The following APBA1 variants were observed in gnomAD, a reference collection of about 807,000 sequenced individuals.
APBA1 encodes the protein amyloid beta precursor protein binding family A member 1.
In APBA1, 55 loss-of-function variants were observed where a neutral mutation model predicts 86.6. The ratio of observed to expected loss-of-function variants is 0.64; its 90% CI spans 0.51 to 0.80. APBA1 has a LOEUF of 0.80. Among genes scored for constraint, APBA1 ranks in the 30% least tolerant of loss-of-function variants. The pLI is 0.00. For synonymous variants in APBA1, 511 were observed against 493.9 expected, an observed-to-expected ratio of 1.03 and a Z score of -0.46; for missense variants, 1,090 against 1,183.0, an observed-to-expected ratio of 0.92 and a Z score of 1.15.
chr9:69,596,802 A>G (rs1329218116), intron 1 of APBA1, among the ~76,000 whole-genome samples: 1 of 152,232 alleles, frequency 6.6e-6, no homozygotes, highest in Non-Finnish European at 1.5e-5. Flanking sequence ...GTTGCAGTCT[A>G]TCTTCAGCCC....
At chr9:69,543,000 G>A (rs1312476083) in intron 1 of APBA1, among the ~76,000 whole-genome samples, 1 of 152,230 alleles carries the variant, frequency 6.6e-6, no homozygotes, top group East Asian at 1.9e-4. Flanking sequence ...GCTTCTGCAG[G>A]CCCCAGCCAG....
intron 8 of APBA1, among the ~76,000 whole-genome samples, chr9:69,453,203 T>C (rs1835041623): frequency 6.6e-6 from 1 of 152,196 alleles, no homozygotes; most frequent in Non-Finnish European, 1.5e-5. Context: ...GATTTTTCAA[T>C]AGGGGAGGTT....
In APBA1 at chr9:69,427,898, T is replaced by C. The variant is rs950143532; in HGVS notation, c.*3429A>G. 2.6e-5 allele frequency: 4 copies of C among 152,154 alleles called. No individual in the cohort carries two copies. The allele number at this position is 152,154 out of a possible 1,614,324, so 9.4% of individuals were successfully genotyped here. ...CTATTTCACCCTCTTTACAGAACAA[T>C]AGTACAAGTTCATACTCTAGGTGCT... On this transcript the variant is annotated 3_prime_UTR_variant, in exon 13 of 13. Coordinates refer to ENST00000265381, the MANE Select transcript of APBA1 (RefSeq NM_001163.4).
At chr9:69,642,446 A>C (rs1823306147) in intron 1 of APBA1, among the ~76,000 whole-genome samples, 2 of 152,228 alleles carry the variant, frequency 1.3e-5, no homozygotes, top group Admixed American at 6.5e-5. Context: ...AAAAAGCCTG[A>C]AAATTCCAAG....
intron 10 of APBA1, among the ~76,000 whole-genome samples, chr9:69,449,251 C>T (rs1355808229): frequency 6.6e-6 from 1 of 152,172 alleles, no homozygotes; most frequent in Non-Finnish European, 1.5e-5. Context: ...TCTGGATTCC[C>T]AAGCTGAGGC....
At chr9:69,558,952 T>A (rs1399402328) in intron 1 of APBA1, among the ~76,000 whole-genome samples, 1 of 152,240 alleles carries the variant, frequency 6.6e-6, no homozygotes, top group Non-Finnish European at 1.5e-5. Context: ...TTAACTCCAA[T>A]TACCACCTAC....
At chr9:69,550,126 C>T (rs78063797) in intron 1 of APBA1, among the ~76,000 whole-genome samples, 82 of 152,336 alleles carry the variant, frequency 5.4e-4, no homozygotes, top group Non-Finnish European at 8.4e-4. Flanking sequence ...TCTTTTGGTT[C>T]ATGATATATT....
At chr9:69,447,963 G>A (rs1834939304) in intron 10 of APBA1, among the ~76,000 whole-genome samples, 2 of 152,068 alleles carry the variant, frequency 1.3e-5, no homozygotes, top group South Asian at 4.1e-4. Context: ...TGTTTAATAA[G>A]CAACTTGCTC....
intron 1 of APBA1, among the ~76,000 whole-genome samples, chr9:69,632,134 A>C (rs1315169116): frequency 2.6e-5 from 4 of 152,122 alleles, no homozygotes; most frequent in African/African-American, 4.8e-5. Context: ...AAAGAAAAAT[A>C]ATATTAAAGG....
intron 2 of APBA1, among the ~76,000 whole-genome samples, chr9:69,513,732 T>G (rs1836089367): frequency 6.6e-6 from 1 of 152,208 alleles, no homozygotes; most frequent in Non-Finnish European, 1.5e-5. Flanking sequence ...TTTCCAACCT[T>G]TCCTAATCGG....
intron 1 of APBA1, among the ~76,000 whole-genome samples, chr9:69,664,066 C>T (rs900771219): frequency 2.0e-5 from 3 of 152,130 alleles, no homozygotes; most frequent in African/African-American, 7.2e-5. Context: ...CCTGGTAAGA[C>T]TGCAGATTTC....
chr9:69,470,234 T>C (rs1008159699), intron 4 of APBA1, among the ~76,000 whole-genome samples: 1 of 152,232 alleles, frequency 6.6e-6, no homozygotes, highest in African/African-American at 2.4e-5. Context: ...TAAGTTCACT[T>C]TGAGCTCAGG....
intron 1 of APBA1, among the ~76,000 whole-genome samples, chr9:69,529,705 T>G (rs1836394165): frequency 6.6e-6 from 1 of 152,110 alleles, no homozygotes; most frequent in Non-Finnish European, 1.5e-5. Flanking sequence ...CAGAGAAAAT[T>G]CTTTTTAATT....
intron 11 of APBA1, among the ~76,000 whole-genome samples, chr9:69,433,668 C>A (rs544859249): frequency 3.9e-5 from 6 of 152,230 alleles, no homozygotes; most frequent in African/African-American, 7.2e-5. Context: ...CACCCTAGAT[C>A]CTCTCCTAAT....
intron 1 of APBA1, among the ~76,000 whole-genome samples, chr9:69,668,243 C>A (rs1484798167): frequency 1.3e-5 from 2 of 152,314 alleles, no homozygotes; most frequent in East Asian, 3.9e-4. Flanking sequence ...CTTGGACAAG[C>A]CTGTCATGCT....
rs1388818089 is a variant in APBA1 at position 69,515,625 on chromosome 9, G to GT, written c.1200+385dup. ...GTCTCTCCTTCCTCAAGCATGGCTTGTTTTTTATTTGGCATTAGAAATACA... is the reference window on the plus strand; with the variant it reads ...GTCTCTCCTTCCTCAAGCATGGCTTGTTTTTTTATTTGGCATTAGAAATACA... On this transcript the variant is annotated intron_variant, in intron 2 of 12. Coordinates refer to ENST00000265381, the MANE Select transcript of APBA1 (RefSeq NM_001163.4). Among the ~76,000 whole-genome samples, 5 of 136,800 alleles carry GT rather than the reference G, an allele frequency of 3.7e-5. No homozygotes were observed. In the East Asian group the frequency reaches 1.1e-3, roughly 30 times the overall value. 89.7% of individuals were successfully genotyped at this position (136,800 alleles called of 152,430 possible). A position where few individuals can be genotyped will look rare whatever the true frequency, so the allele number is the denominator to read the frequency against.
In APBA1 at chr9:69,516,548, G is replaced by C; in HGVS notation, c.663C>G (p.Asp221Glu). 6.3e-7 allele frequency: 1 copy of C among 1,596,522 alleles called. No individual in the cohort carries two copies. The change falls in exon 2 of 13, where the codon GAC becomes GAG. Residue 221 changes from aspartate to glutamate, a missense_variant. Around this residue, in one of 6 missense-constraint regions of APBA1, gnomAD observed 678 missense variants for 647.1 expected, o/e 1.05. Transcript: ENST00000265381. This position sits in a 1 kb window ranked among gnomAD's most constrained non-coding sequence, Gnocchi z 7.3. ...CCTCCTGGCGGTACGCGGCCGCCTC[G>C]TCGCGCTCCTGCTCGTAGAGCCGCA... ...DGLRLYEQER[D>E]EAAAYRQEAL...
At chr9:69,467,571 T>C (rs1835298600) in intron 5 of APBA1, among the ~76,000 whole-genome samples, 1 of 152,242 alleles carries the variant, frequency 6.6e-6, no homozygotes, top group Non-Finnish European at 1.5e-5. Flanking sequence ...TTTCAAAGGT[T>C]GTGATCATGA....
intron 2 of APBA1, among the ~76,000 whole-genome samples, chr9:69,515,233 A>G (rs547969134): frequency 1.1e-3 from 175 of 152,282 alleles, no homozygotes; most frequent in African/African-American, 4.1e-3. Flanking sequence ...CAGACCCTCC[A>G]CATTCCCATT....
Sources: allele counts gnomAD v4.1 joint callset (sites outside exome capture counted in the v4.1 genomes callset), GRCh38; gene constraint gnomAD v4.1.1; regional missense constraint gnomAD v4.1.1; non-coding constraint Gnocchi (gnomAD v3.1); transcripts MANE v1.5; gene names NCBI Gene and HGNC (gene_info 2026-07-23, HGNC 2026-07-21).